ST8SIA6: variants seen among roughly 807,000 people sequenced by gnomAD.
ST8SIA6 encodes the protein ST8 alpha-N-acetyl-neuraminide alpha-2,8-sialyltransferase 6.
In ST8SIA6, 39 loss-of-function variants were observed where a neutral mutation model predicts 33.6. The ratio of observed to expected loss-of-function variants is 1.16; its 90% CI spans 0.90 to 1.52. The LOEUF is 1.52. Among genes scored for constraint, ST8SIA6 ranks in the 40% most tolerant of loss-of-function variants. The pLI is 0.00. For synonymous variants in ST8SIA6, 172 were observed against 167.2 expected, an observed-to-expected ratio of 1.03 and a Z score of -0.22; for missense variants, 441 against 443.8, an observed-to-expected ratio of 0.99 and a Z score of 0.06.
intron 4 of ST8SIA6, among the ~76,000 whole-genome samples, chr10:17,336,177 G>A (rs1848493272): frequency 1.3e-5 from 2 of 152,040 alleles, no homozygotes; most frequent in Admixed American, 6.6e-5. Context: ...GGCTGGTCTC[G>A]AACTTCTGAC....
chr10:17,334,367 A>G (rs993383156), intron 4 of ST8SIA6, among the ~76,000 whole-genome samples: 5 of 151,330 alleles, frequency 3.3e-5, no homozygotes, highest in Non-Finnish European at 7.4e-5. Flanking sequence ...GTGAAACCCC[A>G]TTTCTACTAA....
At chr10:17,415,578 G>T (rs1267297988) in intron 2 of ST8SIA6, among the ~76,000 whole-genome samples, 1 of 151,982 alleles carries the variant, frequency 6.6e-6, no homozygotes, top group Non-Finnish European at 1.5e-5. Flanking sequence ...GGGTATATAA[G>T]CTTCTAAATC....
chr10:17,330,253 A>T (rs984031198), intron 5 of ST8SIA6, among the ~76,000 whole-genome samples: 6 of 152,224 alleles, frequency 3.9e-5, no homozygotes, highest in African/African-American at 1.4e-4. Flanking sequence ...AGGGTAAAGC[A>T]GTTGCTGCTC....
chr10:17,329,807 T>A (rs4748368), intron 5 of ST8SIA6, among the ~76,000 whole-genome samples: 50,028 of 152,052 alleles, frequency 0.33, 9,296 homozygotes, highest in African/African-American at 0.49. Flanking sequence ...ATAAACCTCC[T>A]GAGAAAATGC....
intron 3 of ST8SIA6, among the ~76,000 whole-genome samples, chr10:17,380,877 ACAC>A (rs958832457): frequency 1.4e-5 from 2 of 143,724 alleles, no homozygotes; most frequent in African/African-American, 5.1e-5. Flanking sequence ...TTGTATGTGT[ACAC>A]GTTTGTGTGT....
intron 3 of ST8SIA6, among the ~76,000 whole-genome samples, chr10:17,380,808 A>T (rs693969): frequency 0.19 from 21,953 of 115,382 alleles, 2,600 homozygotes; most frequent in East Asian, 0.46. Context: ...TGTTTGTGTG[A>T]ATGTATGTGT....
chr10:17,341,654 G>A (rs190107991), intron 4 of ST8SIA6, among the ~76,000 whole-genome samples: 25 of 151,744 alleles, frequency 1.6e-4, no homozygotes, highest in Non-Finnish European at 3.1e-4. Flanking sequence ...TAATCCCAGC[G>A]CTTTGGGAGG....
At chr10:17,337,051 C>CTGGA (rs1213754996) in intron 4 of ST8SIA6, among the ~76,000 whole-genome samples, 3 of 152,060 alleles carry the variant, frequency 2.0e-5, no homozygotes, top group African/African-American at 7.2e-5. Flanking sequence ...TGGGAGGTGA[C>CTGGA]TGGATCATGG....
chr10:17,416,373 G>A (rs762544908), intron 2 of ST8SIA6, among the ~76,000 whole-genome samples: 18 of 152,124 alleles, frequency 1.2e-4, no homozygotes, highest in Non-Finnish European at 1.9e-4. Context: ...TCTCTCTGGC[G>A]ATGACACCCA....
chr10:17,323,032 T>C, intron 7 of ST8SIA6, 33 bp downstream of exon 7: 1 of 1,561,068 alleles, frequency 6.4e-7, no homozygotes, highest in African/African-American at 1.4e-5. Context: ...GAAAAAGTGT[T>C]CCTGATCAGT....
At chr10:17,336,302 C>T (rs758222470) in intron 4 of ST8SIA6, among the ~76,000 whole-genome samples, 21 of 151,992 alleles carry the variant, frequency 1.4e-4, no homozygotes, top group Non-Finnish European at 1.8e-4. Context: ...AATTTCCAAA[C>T]CTGTAGGAAA....
At chr10:17,322,324 G>T (rs1847987621) in intron 7 of ST8SIA6, among the ~76,000 whole-genome samples, 1 of 152,070 alleles carries the variant, frequency 6.6e-6, no homozygotes, top group African/African-American at 2.4e-5. Flanking sequence ...ATATCTAAAT[G>T]CAAATATAGA....
intron 2 of ST8SIA6, among the ~76,000 whole-genome samples, chr10:17,426,568 A>T (rs748461160): frequency 6.6e-6 from 1 of 152,190 alleles, no homozygotes; most frequent in East Asian, 1.9e-4. Context: ...CCCACATCTC[A>T]AGGAAAGTGG....
At chr10:17,333,709 ATATATATATTTT>A (rs1848398415) in intron 4 of ST8SIA6, among the ~76,000 whole-genome samples, 3 of 26,070 alleles carry the variant, frequency 1.2e-4, no homozygotes, top group African/African-American at 4.7e-4. Context: ...ATATATATAT[ATATATATATTTT>A]TTTTTTTTTT....
chr10:17,320,041 T>C lies in ST8SIA6; in HGVS notation c.*837A>G, dbSNP rs1847894939. The C allele has an allele frequency of 6.6e-6, 1 of 152,192 alleles. No individual in the cohort carries two copies. Among genetic ancestry groups the C allele is most frequent in the African/African-American group, 2.4e-5 (1 of 41,446 alleles). The allele number at this position is 152,192 out of a possible 1,614,324, so 9.4% of individuals were successfully genotyped here. On this transcript the variant is annotated 3_prime_UTR_variant, in exon 8 of 8. Transcript: ENST00000377602. ...AGAGGCAATAATCCTTCTTGTCCTCTCACAGAGCCTGGTGCAGGGCCTGGC... is the reference window on the plus strand; with the variant it reads ...AGAGGCAATAATCCTTCTTGTCCTCCCACAGAGCCTGGTGCAGGGCCTGGC...
intron 3 of ST8SIA6, among the ~76,000 whole-genome samples, chr10:17,379,678 C>A (rs1008829892): frequency 6.6e-6 from 1 of 152,058 alleles, no homozygotes; most frequent in Non-Finnish European, 1.5e-5. Flanking sequence ...TCAAGCTGCC[C>A]CACCTTTCCA....
rs188601185 is a variant in ST8SIA6, at chr10:17,391,526, T to C, written c.201-906A>G. Among the ~76,000 whole-genome samples, 37 of 152,294 alleles carry C rather than the reference T, an allele frequency of 2.4e-4. 1 individual carries two copies. Among genetic ancestry groups the C allele is most frequent in the Admixed American group, 5.9e-4 (9 of 15,288 alleles). ...ATCCGCCTGCCTGGGCCTCCCAAAG[T>C]GCTGGGATTACAGGCGTGAGCCACC... On this transcript the variant is annotated intron_variant, in intron 2 of 7. Coordinates refer to ENST00000377602, the MANE Select transcript of ST8SIA6 (RefSeq NM_001004470.3).
intron 2 of ST8SIA6, among the ~76,000 whole-genome samples, chr10:17,391,793 T>C (rs1349541040): frequency 2.0e-5 from 3 of 152,158 alleles, no homozygotes; most frequent in Non-Finnish European, 4.4e-5. Context: ...CTAATGAGCC[T>C]CAGGGACATA....
At chr10:17,380,268 T>A (rs1343199049) in intron 3 of ST8SIA6, among the ~76,000 whole-genome samples, 1 of 152,216 alleles carries the variant, frequency 6.6e-6, no homozygotes, top group Admixed American at 6.5e-5. Flanking sequence ...TTGAGACCCA[T>A]GACTAAGTAA....
Sources: allele counts gnomAD v4.1 joint callset (sites outside exome capture counted in the v4.1 genomes callset), GRCh38; gene constraint gnomAD v4.1.1; transcripts MANE v1.5; gene names NCBI Gene and HGNC (gene_info 2026-07-23, HGNC 2026-07-21).